The following CNTRL variants were observed in gnomAD, a reference collection of about 807,000 sequenced individuals.
CNTRL encodes centriolin, also known as 110 kDa centrosomal protein.
In CNTRL, 233 loss-of-function variants were observed where a neutral mutation model predicts 303.7. The observed-to-expected ratio is 0.77, with a 90% CI of 0.69 to 0.86. The LOEUF (loss-of-function observed/expected upper bound fraction) is 0.86. Ranked by LOEUF, CNTRL falls within the 40% of genes least tolerant of loss-of-function variation. The pLI, the probability that CNTRL is intolerant of heterozygous loss-of-function variation, is 0.00. For synonymous variants in CNTRL, 900 were observed against 922.2 expected, an observed-to-expected ratio of 0.98 and a Z score of 0.44; for missense variants, 2,524 against 2,650.6, an observed-to-expected ratio of 0.95 and a Z score of 1.05.
At chr9:121,142,298 A>C in intron 19 of CNTRL, 28 bp downstream of exon 19, 4 of 1,573,360 alleles carry the variant, frequency 2.5e-6, no homozygotes, top group Non-Finnish European at 3.4e-6. Flanking sequence ...AATGAGACAC[A>C]TAAGTACCTG....
At chr9:121,106,568 A>C (rs2049484651) in intron 7 of CNTRL, among the ~76,000 whole-genome samples, 1 of 152,112 alleles carries the variant, frequency 6.6e-6, no homozygotes, top group Non-Finnish European at 1.5e-5. Context: ...CATTTTCTTA[A>C]TTAAAGGTGA....
chr9:121,107,697 T>C lies in CNTRL; in HGVS notation c.809-105T>C, dbSNP rs866669429. 30 of 753,226 alleles carry C rather than the reference T, an allele frequency of 4.0e-5. No homozygotes were observed. The South Asian group carries it at 7.1e-4, about 18-fold the overall frequency. 46.7% of individuals were successfully genotyped at this position (753,226 alleles called of 1,614,324 possible). A position where few individuals can be genotyped will look rare whatever the true frequency, so the allele number is the denominator to read the frequency against. On this transcript the variant is annotated intron_variant, in intron 7 of 43. Transcript: ENST00000373855. The stretch of plus-strand genomic sequence containing the variant: ...GGCTAATTTTAAAAGTAGAATTGTA[T>C]TTACAATATTTTTAGACTTTTTTCA...
rs1157291438 is a variant in CNTRL at position 121,173,528 on chromosome 9, A to G, written c.6684+19A>G. ...CATAATGGTAAGGGTTTATCCTGCT[A>G]TTCTCTGGGTTCGTAGGATTGACCA... On this transcript the variant is annotated intron_variant, in intron 41 of 43. Transcript: ENST00000373855. 4 of 1,611,868 alleles carry G rather than the reference A, an allele frequency of 2.5e-6. No individual in the cohort carries two copies. The highest frequency in any genetic ancestry group is 4.5e-5 in the East Asian group (2 of 44,864).
At chr9:121,163,708 A>G (rs2052961081) in intron 34 of CNTRL, among the ~76,000 whole-genome samples, 2 of 152,300 alleles carry the variant, frequency 1.3e-5, no homozygotes, top group African/African-American at 4.8e-5. Context: ...ATTTGAATAG[A>G]CATTTCATTA....
chr9:121,117,936 G>A (rs555344135), intron 11 of CNTRL, among the ~76,000 whole-genome samples: 15 of 150,794 alleles, frequency 9.9e-5, no homozygotes, highest in Non-Finnish European at 2.1e-4. Flanking sequence ...CCGAGATCGC[G>A]CCACTGCACT....
Position 121,135,684 on chromosome 9 carries a change from T to C in CNTRL, c.2026-122T>C. ...TTCGTCATATTGCTACTGAAAACTT[T>C]GTGGCAGGCATCAGTAGCTGGCCAG... On this transcript the variant is annotated intron_variant, in intron 14 of 43. Coordinates refer to ENST00000373855, the MANE Select transcript of CNTRL (RefSeq NM_007018.6). 4 of 842,418 alleles carry C rather than the reference T, an allele frequency of 4.7e-6. No homozygotes were observed. In the East Asian group the frequency reaches 8.1e-5, roughly 17 times the overall value. 52.2% of individuals were successfully genotyped at this position (842,418 alleles called of 1,614,324 possible).
chr9:121,086,904 C>T (rs1320903498), intron 2 of CNTRL, among the ~76,000 whole-genome samples: 5 of 152,076 alleles, frequency 3.3e-5, no homozygotes, highest in Non-Finnish European at 5.9e-5. Flanking sequence ...CCACCTGACT[C>T]GGCCTCCCAA....
intron 15 of CNTRL, 70 bp from the exon 16 acceptor site, chr9:121,138,475 A>G (rs2051317204): frequency 6.6e-7 from 1 of 1,508,056 alleles, no homozygotes; most frequent in Non-Finnish European, 9.1e-7. Flanking sequence ...ATGTAAATTT[A>G]TTTGTGCCTT....
At chr9:121,099,137 C>T (rs1588096016) in intron 7 of CNTRL, among the ~76,000 whole-genome samples, 1 of 152,188 alleles carries the variant, frequency 6.6e-6, no homozygotes, top group South Asian at 2.1e-4. Flanking sequence ...CCCTGACCCC[C>T]GAGTAGCCTA....
chr9:121,152,401 A>G, intron 25 of CNTRL, 84 bp from the exon 26 acceptor site: 2 of 1,130,154 alleles, frequency 1.8e-6, no homozygotes, highest in Non-Finnish European at 2.6e-6. Flanking sequence ...CACTTTAACC[A>G]CAGTTAATTT....
At chr9:121,076,069 A>C (rs2131905714) in intron 1 of CNTRL, among the ~76,000 whole-genome samples, 1 of 152,358 alleles carries the variant, frequency 6.6e-6, no homozygotes, top group South Asian at 2.1e-4. Flanking sequence ...TTTATTGTTT[A>C]TAGAACAACA....
chr9:121,080,470 C>T lies in CNTRL; in HGVS notation c.-40C>T, dbSNP rs529900454. On this transcript the variant is annotated 5_prime_UTR_variant, in exon 2 of 44. Coordinates refer to ENST00000373855, the MANE Select transcript of CNTRL (RefSeq NM_007018.6). ...ACATACCGTGCCTGACGAAATATCA[C>T]AATATTTGGTGCGTGGTAAGCCCTC... is the stretch of plus-strand genomic sequence containing the variant. The T allele has an allele frequency of 1.0e-3, 153 of 152,260 alleles. No individual in the cohort carries two copies. The highest frequency in any genetic ancestry group is 3.5e-3 in the African/African-American group (146 of 41,556). The allele number at this position is 152,260 out of a possible 1,614,324, so 9.4% of individuals were successfully genotyped here.
intron 14 of CNTRL, among the ~76,000 whole-genome samples, chr9:121,127,511 A>G (rs1435405610): frequency 6.6e-6 from 1 of 152,066 alleles, no homozygotes; most frequent in Non-Finnish European, 1.5e-5. Flanking sequence ...TTTAAAGCTT[A>G]TATTTTGAAA....
Position 121,075,320 on chromosome 9 carries a change from G to C in CNTRL, c.-205+253G>C, listed in dbSNP as rs548517826. Among the ~76,000 whole-genome samples, 10 of 152,362 alleles carry C rather than the reference G, an allele frequency of 6.6e-5. No individual in the cohort carries two copies. In the South Asian group the frequency reaches 1.9e-3, roughly 28 times the overall value. On this transcript the variant is annotated intron_variant, in intron 1 of 43. Coordinates refer to ENST00000373855, the MANE Select transcript of CNTRL (RefSeq NM_007018.6). ...GACGGCGGGGGCGATTGGGGATGAA[G>C]AACCAGAGTGTGGGGAGGTGTGGAA...
In CNTRL at chr9:121,154,053, A is replaced by G. The variant is rs542200006; in HGVS notation, c.4173-668A>G. Among the ~76,000 whole-genome samples, 220 of 152,342 alleles carry G rather than the reference A, an allele frequency of 1.4e-3. 2 individuals are homozygous for G. The highest frequency in any genetic ancestry group is 6.6e-3 in the South Asian group (32 of 4,830). Reference sequence around the variant, plus strand: ...TCATAGTTATAAAAGTGTAATAAATACTATTCTAGGAAGTTTGGATAACAC... The same window carrying G: ...TCATAGTTATAAAAGTGTAATAAATGCTATTCTAGGAAGTTTGGATAACAC... On this transcript the variant is annotated intron_variant, in intron 26 of 43. Coordinates refer to ENST00000373855, the MANE Select transcript of CNTRL (RefSeq NM_007018.6).
intron 43 of CNTRL, among the ~76,000 whole-genome samples, chr9:121,176,306 A>T (rs936541928): frequency 2.0e-5 from 3 of 152,206 alleles, no homozygotes; most frequent in Admixed American, 6.5e-5. Context: ...AGCCACAAGG[A>T]GCTTTCAAGG....
chr9:121,152,632 A>G lies in CNTRL; in HGVS notation c.4111A>G (p.Lys1371Glu), dbSNP rs755328740. 1.1e-5 allele frequency: 17 copies of G among 1,614,028 alleles called. No homozygotes were observed. The highest frequency in any genetic ancestry group is 1.6e-4 in the Middle Eastern group (1 of 6,084). The change falls in exon 26 of 44, where the codon AAA becomes GAA. Residue 1371 changes from lysine (K) to glutamate (E), a missense_variant. Coordinates refer to ENST00000373855, the MANE Select transcript of CNTRL (RefSeq NM_007018.6). The stretch of plus-strand genomic sequence containing the variant: ...TATTGATGATCTTTTGCAAGAGAAG[A>G]AAAGCTTAGAGTGTGAAGTAGAAGA... ...HNIDDLLQEK[K>E]SLECEVEELH...
chr9:121,086,841 C>T (rs907902090), intron 2 of CNTRL, among the ~76,000 whole-genome samples: 1 of 151,928 alleles, frequency 6.6e-6, no homozygotes, highest in Non-Finnish European at 1.5e-5. Flanking sequence ...CTAGTAGAGA[C>T]GGGGTTTTGC....
chr9:121,135,232 G>A (rs1049853305), intron 14 of CNTRL, among the ~76,000 whole-genome samples: 8 of 152,068 alleles, frequency 5.3e-5, no homozygotes, highest in Non-Finnish European at 8.8e-5. Flanking sequence ...AGAGAGTGCC[G>A]GTCCCATTTT....
Sources: gnomAD v4.1 joint callset for allele counts (sites outside exome capture counted in the v4.1 genomes callset) on GRCh38, gnomAD v4.1.1 for gene constraint, MANE v1.5 for transcripts, NCBI Gene and HGNC (gene_info 2026-07-23, HGNC 2026-07-21) for gene names.